Variants in CRACR2A observed in about 807,000 individuals in gnomAD.
The protein encoded by CRACR2A is EF-hand calcium-binding domain-containing protein 4B.
Under a neutral mutation model 90.5 loss-of-function variants are expected in CRACR2A, and 79 were observed. That is an observed-to-expected ratio of 0.87 (90% CI 0.73 to 1.05). The LOEUF is 1.05. CRACR2A is among the 50% of genes least tolerant of loss of function. The pLI is 0.00. For missense variants in CRACR2A, 823 were observed against 897.2 expected, an observed-to-expected ratio of 0.92 and a Z score of 1.06; for synonymous variants, 338 against 356.7, an observed-to-expected ratio of 0.95 and a Z score of 0.59.
intron 2 of CRACR2A, among the ~76,000 whole-genome samples, chr12:3,720,416 G>GAAAGAAAGAAAGA (rs1946147262): frequency 2.8e-5 from 3 of 106,634 alleles, no homozygotes; most frequent in Non-Finnish European, 5.6e-5. Context: ...TGAGAGAGAG[G>GAAAGAAAGAAAGA]AAGAAAGAAA....
intron 4 of CRACR2A, 145 bp downstream of exon 4, chr12:3,696,627 G>C (rs1945744425): frequency 1.7e-6 from 2 of 1,183,670 alleles, no homozygotes; most frequent in East Asian, 2.5e-5. Context: ...GCTCCTAGTA[G>C]AGTTTGGGCA....
Position 3,715,536 on chromosome 12 carries a change from G to A in CRACR2A, c.-117-2219C>T, listed in dbSNP as rs536645108. Among the ~76,000 whole-genome samples the A allele has an allele frequency of 7.2e-4, 110 of 152,262 alleles. 2 individuals are homozygous for A. The South Asian group carries it at 0.022, about 30-fold the overall frequency. On this transcript the variant is annotated intron_variant, in intron 2 of 19. Transcript: ENST00000440314. ...CTCCCTTAAACCCAGCCTGAAACAAGGTACAGTTTACCAACCAGATAGGTC... is the reference window on the plus strand; with the variant it reads ...CTCCCTTAAACCCAGCCTGAAACAAAGTACAGTTTACCAACCAGATAGGTC...
At chr12:3,667,747 A>G (rs1260429563) in intron 7 of CRACR2A, among the ~76,000 whole-genome samples, 2 of 152,186 alleles carry the variant, frequency 1.3e-5, no homozygotes, top group East Asian at 3.9e-4. Context: ...TCCTGTTTAG[A>G]GTTTTGTTCC....
intron 6 of CRACR2A, 42 bp downstream of exon 6, chr12:3,678,873 A>G (rs761983905): frequency 1.2e-5 from 18 of 1,560,830 alleles, no homozygotes; most frequent in Non-Finnish European, 1.5e-5. Context: ...AGAGGTTCCT[A>G]CCAGGCTGGT....
intron 7 of CRACR2A, among the ~76,000 whole-genome samples, chr12:3,665,994 C>T (rs912874428): frequency 6.6e-6 from 1 of 151,970 alleles, no homozygotes; most frequent in African/African-American, 2.4e-5. Flanking sequence ...TGAGGCAGAC[C>T]CAAAAGAACC....
Position 3,714,274 on chromosome 12 carries a change from G to C in CRACR2A, c.-117-957C>G, listed in dbSNP as rs544584972. Among the ~76,000 whole-genome samples the C allele has an allele frequency of 6.7e-4, 102 of 152,366 alleles. 1 individual carries two copies. The highest frequency in any genetic ancestry group is 9.4e-4 in the Non-Finnish European group (64 of 68,048). ...GCAAATCCAGCAAGGTATTGTCCTT[G>C]TGGAGCTTATATTCCAGTGGGCAGA... On this transcript the variant is annotated intron_variant, in intron 2 of 19. Coordinates refer to ENST00000440314, the MANE Select transcript of CRACR2A (RefSeq NM_001144958.2).
At chr12:3,655,998 A>G (rs1042613937) in intron 9 of CRACR2A, among the ~76,000 whole-genome samples, 9 of 152,114 alleles carry the variant, frequency 5.9e-5, no homozygotes, top group African/African-American at 1.9e-4. Flanking sequence ...CTTTTCTTAT[A>G]CAGGAGGCAG....
At chr12:3,659,458 G>A in intron 8 of CRACR2A, 106 bp downstream of exon 8, 1 of 835,120 alleles carries the variant, frequency 1.2e-6, no homozygotes, top group South Asian at 1.6e-5. Context: ...AGAGAAAGAG[G>A]GAATCAATAG....
chr12:3,723,856 CT>C (rs1946220198), intron 2 of CRACR2A, among the ~76,000 whole-genome samples: 1 of 152,180 alleles, frequency 6.6e-6, no homozygotes, highest in Non-Finnish European at 1.5e-5. Flanking sequence ...TCAGTAGCCA[CT>C]GACATTACAG....
chr12:3,627,577 C>T, intron 16 of CRACR2A, 27 bp from the exon 17 acceptor site: 11 of 1,551,496 alleles, frequency 7.1e-6, no homozygotes, highest in Non-Finnish European at 9.6e-6. Flanking sequence ...ACGGGTCAGG[C>T]ATGCACGGCC....
intron 1 of CRACR2A, among the ~76,000 whole-genome samples, chr12:3,733,715 G>A (rs370713970): frequency 5.9e-5 from 9 of 152,020 alleles, no homozygotes; most frequent in Admixed American, 3.9e-4. Flanking sequence ...TTACACATGC[G>A]ATAAATATCC....
At chr12:3,650,177 A>G (rs1360638064) in intron 10 of CRACR2A, among the ~76,000 whole-genome samples, 1 of 152,198 alleles carries the variant, frequency 6.6e-6, no homozygotes, top group Non-Finnish European at 1.5e-5. Context: ...CTGTGCACAC[A>G]CTGGGCTGGG....
chr12:3,679,133 C>A (rs1349562846), intron 5 of CRACR2A, 35 bp from the exon 6 acceptor site: 3 of 1,552,736 alleles, frequency 1.9e-6, no homozygotes, highest in East Asian at 2.3e-5. Context: ...CCGAATTAGA[C>A]CATACCCATC....
intron 4 of CRACR2A, among the ~76,000 whole-genome samples, chr12:3,681,626 C>T (rs931688297): frequency 3.3e-5 from 5 of 152,192 alleles, no homozygotes; most frequent in Admixed American, 6.5e-5. Context: ...GTTACCTAAG[C>T]GGTAACCGTG....
intron 7 of CRACR2A, among the ~76,000 whole-genome samples, chr12:3,670,947 A>T (rs192490414): frequency 1.3e-5 from 2 of 152,334 alleles, no homozygotes; most frequent in Non-Finnish European, 2.9e-5. Context: ...GCTGGCAGGG[A>T]TACTGACTGA....
At position 3,678,878 on chromosome 12, in the gene CRACR2A, G is replaced by A. The variant is rs765474884; in HGVS notation, c.524+37C>T. 2.4e-5 allele frequency: 37 copies of A among 1,564,626 alleles called. No homozygotes were observed. In the Middle Eastern group the frequency reaches 1.0e-3, roughly 43 times the overall value. On this transcript the variant is annotated intron_variant, in intron 6 of 19. Transcript: ENST00000440314. ...GGACACAGGAAGAGGTTCCTACCAGGCTGGTCTCCGTTCTACAAATCACTG... is the reference window on the plus strand; with the variant it reads ...GGACACAGGAAGAGGTTCCTACCAGACTGGTCTCCGTTCTACAAATCACTG...
chr12:3,713,690 T>C (rs938015502), intron 2 of CRACR2A, among the ~76,000 whole-genome samples: 1 of 152,116 alleles, frequency 6.6e-6, no homozygotes, highest in East Asian at 1.9e-4. Flanking sequence ...CCACAGACGC[T>C]GTCTACACCA....
rs370453459 is a variant in CRACR2A, at chr12:3,622,138, T to TA, written c.1933-2767dup. Among the ~76,000 whole-genome samples, 810 of 152,270 alleles carry TA rather than the reference T, an allele frequency of 5.3e-3. 5 individuals are homozygous for TA. The highest frequency in any genetic ancestry group is 8.7e-3 in the Non-Finnish European group (592 of 67,996). On this transcript the variant is annotated intron_variant, in intron 17 of 19. Transcript: ENST00000440314. ...CCACTCAGCACAAGATGTTCAAAAT[T>TA]ACCTCCTAGATGAAGCAACACCTCC... is the stretch of plus-strand genomic sequence containing the variant.
At chr12:3,735,021 C>G (rs141413981) in intron 1 of CRACR2A, among the ~76,000 whole-genome samples, 16 of 152,186 alleles carry the variant, frequency 1.1e-4, no homozygotes, top group African/African-American at 3.6e-4. Flanking sequence ...AATGCTCCTA[C>G]CACATACACA....
Sources: gnomAD v4.1 joint callset for allele counts (sites outside exome capture counted in the v4.1 genomes callset) on GRCh38, gnomAD v4.1.1 for gene constraint, MANE v1.5 for transcripts, NCBI Gene and HGNC (gene_info 2026-07-23, HGNC 2026-07-21) for gene names.